The following SMC5 variants were observed in gnomAD, a reference collection of about 807,000 sequenced individuals.
The protein encoded by SMC5 is structural maintenance of chromosomes 5, also known as structural maintenance of chromosomes protein 5.
SMC5 carries 88 observed loss-of-function variants against 148.3 expected under a neutral mutation model. The observed-to-expected ratio is 0.59, with a 90% CI of 0.50 to 0.71. SMC5 has a LOEUF of 0.71. SMC5 is among the 30% of genes least tolerant of loss of function. SMC5 has a pLI of 0.00. For missense variants in SMC5, 1,142 were observed against 1,298.9 expected, an observed-to-expected ratio of 0.88 and a Z score of 1.86; for synonymous variants, 421 against 432.8, an observed-to-expected ratio of 0.97 and a Z score of 0.34.
At chr9:70,339,359 G>A (rs1368945016) in intron 17 of SMC5, among the ~76,000 whole-genome samples, 1 of 151,364 alleles carries the variant, frequency 6.6e-6, no homozygotes, top group Non-Finnish European at 1.5e-5. Flanking sequence ...AATCTGGGAG[G>A]CGGAGCTTGC....
intron 11 of SMC5, among the ~76,000 whole-genome samples, chr9:70,305,703 A>T (rs1479559284): frequency 6.6e-6 from 1 of 152,200 alleles, no homozygotes. Flanking sequence ...TATTGGAATG[A>T]ACTCAGTTTT....
At chr9:70,284,225 A>C (rs2034835375) in intron 7 of SMC5, among the ~76,000 whole-genome samples, 1 of 152,334 alleles carries the variant, frequency 6.6e-6, no homozygotes, top group Admixed American at 6.5e-5. Context: ...TATTGCACTC[A>C]AGTCCAAAAA....
At chr9:70,286,529 G>T (rs1056810027) in intron 8 of SMC5, among the ~76,000 whole-genome samples, 2 of 152,102 alleles carry the variant, frequency 1.3e-5, no homozygotes, top group Non-Finnish European at 2.9e-5. Context: ...TAGGATAATG[G>T]TGGATTTGGT....
chr9:70,348,521 A>G (rs1057139313), intron 22 of SMC5, among the ~76,000 whole-genome samples: 19 of 150,910 alleles, frequency 1.3e-4, no homozygotes, highest in African/African-American at 4.6e-4. Context: ...GCAAAATCGC[A>G]TCTCTGTAAA....
intron 11 of SMC5, among the ~76,000 whole-genome samples, chr9:70,314,290 C>T (rs2035738298): frequency 2.0e-5 from 3 of 152,188 alleles, no homozygotes; most frequent in Non-Finnish European, 4.4e-5. Flanking sequence ...GCCACATAAA[C>T]ACAAATCTCA....
chr9:70,265,490 A>G (rs2034266660), intron 2 of SMC5, among the ~76,000 whole-genome samples: 2 of 152,174 alleles, frequency 1.3e-5, no homozygotes, highest in South Asian at 4.1e-4. Flanking sequence ...AAATCACAAA[A>G]TAAGATGGTA....
intron 6 of SMC5, among the ~76,000 whole-genome samples, chr9:70,281,842 C>CT (rs11293164): frequency 1.3e-5 from 2 of 151,686 alleles, no homozygotes; most frequent in African/African-American, 4.8e-5. Flanking sequence ...ATTGATTTAC[C>CT]TTTTTTTCAT....
At chr9:70,322,293 C>T (rs1280649253) in intron 15 of SMC5, among the ~76,000 whole-genome samples, 9 of 152,116 alleles carry the variant, frequency 5.9e-5, no homozygotes, top group East Asian at 5.8e-4. Context: ...ACCTTTATTG[C>T]GCAATTGCTG....
intron 3 of SMC5, among the ~76,000 whole-genome samples, chr9:70,272,117 T>C: frequency 6.6e-6 from 1 of 152,218 alleles, no homozygotes; most frequent in East Asian, 1.9e-4. Context: ...TGATAGCTTA[T>C]GATTTGCTTA....
chr9:70,268,754 A>G (rs780857401), intron 3 of SMC5, among the ~76,000 whole-genome samples: 15 of 152,254 alleles, frequency 9.9e-5, no homozygotes, highest in Admixed American at 6.5e-4. Flanking sequence ...GATGAATCTC[A>G]TGTATGACAA....
chr9:70,323,225 G>A (rs908157667), intron 15 of SMC5, among the ~76,000 whole-genome samples: 2 of 152,136 alleles, frequency 1.3e-5, no homozygotes, highest in Non-Finnish European at 2.9e-5. Context: ...GGATTATTGT[G>A]TTGTGTTTTT....
At position 70,324,005 on chromosome 9, in the gene SMC5, G is replaced by C; in HGVS notation, c.2275-16G>C. ...AGGTAACATAAAAATTAACTCTTAGGGGTTTTTGTTCCTAGATTTGTACTT... is the reference window on the plus strand; with the variant it reads ...AGGTAACATAAAAATTAACTCTTAGCGGTTTTTGTTCCTAGATTTGTACTT... On this transcript the variant is annotated splice_polypyrimidine_tract_variant and intron_variant, in intron 16 of 24. Transcript: ENST00000361138. 1 of 1,527,128 alleles carries C rather than the reference G, an allele frequency of 6.5e-7. No homozygotes were observed. The highest frequency in any genetic ancestry group is 8.8e-7 in the Non-Finnish European group (1 of 1,142,846). 94.6% of individuals were successfully genotyped at this position (1,527,128 alleles called of 1,614,324 possible). A position where few individuals can be genotyped will look rare whatever the true frequency, so the allele number is the denominator to read the frequency against.
intron 22 of SMC5, among the ~76,000 whole-genome samples, chr9:70,349,670 C>T (rs1001500573): frequency 6.6e-6 from 1 of 152,270 alleles, no homozygotes. Context: ...TTACCATACA[C>T]AACCACTTCT....
chr9:70,309,587 A>G (rs922147496), intron 11 of SMC5, among the ~76,000 whole-genome samples: 1 of 151,600 alleles, frequency 6.6e-6, no homozygotes. Context: ...TCAAGAAACC[A>G]TTTTCTTTGC....
intron 3 of SMC5, among the ~76,000 whole-genome samples, chr9:70,268,724 A>G (rs1403657727): frequency 6.6e-6 from 1 of 152,194 alleles, no homozygotes; most frequent in Non-Finnish European, 1.5e-5. Context: ...AATTCTATAA[A>G]TAACTACTGC....
At chr9:70,346,801 T>C in intron 19 of SMC5, 152 bp downstream of exon 19, 3 of 836,322 alleles carry the variant, frequency 3.6e-6, no homozygotes, top group South Asian at 3.3e-5. Flanking sequence ...TTTCTCTAAA[T>C]TCCTAGCCTA....
chr9:70,300,326 C>T, intron 10 of SMC5, 126 bp downstream of exon 10: 6 of 764,986 alleles, frequency 7.8e-6, no homozygotes, highest in Non-Finnish European at 6.0e-6. Context: ...ATCTGGCATA[C>T]TGCTGAATCT....
At chr9:70,288,661 A>C (rs1356384721) in intron 8 of SMC5, among the ~76,000 whole-genome samples, 1 of 152,040 alleles carries the variant, frequency 6.6e-6, no homozygotes, top group Non-Finnish European at 1.5e-5. Context: ...TCTTTGTTTC[A>C]ATTTAAGATA....
In SMC5 at chr9:70,300,054, G is replaced by T; in HGVS notation, c.1318G>T (p.Asp440Tyr). 1 of 1,567,172 alleles carries T rather than the reference G, an allele frequency of 6.4e-7. No homozygotes were observed. The highest frequency in any genetic ancestry group is 1.2e-5 in the South Asian group (1 of 83,066). Residue 440 changes from aspartate (D) to tyrosine (Y), a missense_variant, in exon 10 of 25, where the codon GAT becomes TAT. Transcript: ENST00000361138. The part of the protein sequence containing the change: ...TLEKEKKSVD[D>Y]HIVRFDNLMN... ...TTGTTTTACAATTTTAGGTGTGGACGATCATATTGTACGTTTTGACAATCT... is the reference window on the plus strand; with the variant it reads ...TTGTTTTACAATTTTAGGTGTGGACTATCATATTGTACGTTTTGACAATCT...
Sources: gnomAD v4.1 joint callset for allele counts (sites outside exome capture counted in the v4.1 genomes callset) on GRCh38, gnomAD v4.1.1 for gene constraint, MANE v1.5 for transcripts, NCBI Gene and HGNC (gene_info 2026-07-23, HGNC 2026-07-21) for gene names.